The following CUL7 variants were observed in gnomAD, a reference collection of about 807,000 sequenced individuals.
CUL7 encodes the protein cullin 7.
Under a neutral mutation model 177.7 loss-of-function variants are expected in CUL7, and 96 were observed. The ratio of observed to expected loss-of-function variants is 0.54; its 90% CI spans 0.46 to 0.64. The LOEUF (loss-of-function observed/expected upper bound fraction) is 0.64. Among genes scored for constraint, CUL7 ranks in the 30% least tolerant of loss-of-function variants. The probability of loss-of-function intolerance (pLI) is 0.00; values close to 1 mark genes in which losing one functional copy is unlikely to be tolerated. For synonymous variants in CUL7, 824 were observed against 890.2 expected (o/e 0.93, Z 1.32); for missense variants, 1,893 against 2,187.9 (o/e 0.87, Z 2.69).
Position 43,043,323 on chromosome 6 carries a change from G to T in CUL7, c.3355+125C>A. ...CATGGATGGAGGTGACACAAACCTG[G>T]AAGATGAACAGGCTGAGCCCATAGG... On this transcript the variant is annotated intron_variant, in intron 17 of 25. Transcript: ENST00000265348. This position sits in a 1 kb window ranked among gnomAD's most constrained non-coding sequence, Gnocchi z 4.2. The T allele has an allele frequency of 8.2e-7, 1 of 1,220,620 alleles. No homozygotes were observed. The highest frequency in any genetic ancestry group is 1.3e-5 in the South Asian group (1 of 79,570). The allele number at this position is 1,220,620 out of a possible 1,614,324, so 75.6% of individuals were successfully genotyped here. A position where few individuals can be genotyped will look rare whatever the true frequency, so the allele number is the denominator to read the frequency against.
chr6:43,039,083 G>A (rs773406019), intron 22 of CUL7, 96 bp from the exon 23 acceptor site: 14 of 822,202 alleles, frequency 1.7e-5, no homozygotes, highest in Non-Finnish European at 2.7e-5. Context: ...GTTTATCTCT[G>A]CAAGGCGTGT....
Position 43,040,382 on chromosome 6 carries a change from T to C in CUL7, c.4068A>G (p.Glu1356=), listed in dbSNP as rs886043610. The part of the protein sequence containing the change: ...ASGKEHKSEK[E]EEAGAAAVVD... ...CCACTGCTGCTGCCCCAGCTTCCTC[T>C]TCCTTCTCGCTCTTGTGCTCCTTGC... The change falls in exon 22 of 26, where the codon GAA becomes GAG. Residue 1356 remains glutamate (E), a synonymous_variant. Transcript: ENST00000265348. The surrounding 1 kb of genome is among the most constrained non-coding windows in gnomAD (Gnocchi z 4.2). 6.2e-7 allele frequency: 1 copy of C among 1,613,274 alleles called. No homozygotes were observed. The highest frequency in any genetic ancestry group is 1.3e-5 in the African/African-American group (1 of 74,926).
rs1298638653 is a variant in CUL7 at position 43,037,904 on chromosome 6, G to T, written c.4881C>A (p.His1627Gln). 1 of 1,612,998 alleles carries T rather than the reference G, an allele frequency of 6.2e-7. No homozygotes were observed. Among genetic ancestry groups the T allele is most frequent in the South Asian group, 1.1e-5 (1 of 91,046 alleles). ...SSTDVLSCIL[H>Q]LLGKGTLRRH... ...GTCTCAGCGTGCCCTTGCCCAGGAGGTGTAGGATGCAGGAGAGGACGTCAG... is the reference window on the plus strand; with the variant it reads ...GTCTCAGCGTGCCCTTGCCCAGGAGTTGTAGGATGCAGGAGAGGACGTCAG... The change falls in exon 26 of 26, where the codon CAC becomes CAA. Residue 1627 changes from histidine to glutamine, a missense_variant. Physicochemically the swap from His to Gln is conservative, Grantham distance 24 (BLOSUM62 0). Transcript: ENST00000265348.
chr6:43,052,449 C>T lies in CUL7; in HGVS notation c.340G>A (p.Val114Met). 6.8e-6 allele frequency: 11 copies of T among 1,614,092 alleles called. No homozygotes were observed. Among genetic ancestry groups the T allele is most frequent in the East Asian group, 2.2e-5 (1 of 44,884 alleles). ...AGGGCTCTCTGAATGAGGGACTTCA[C>T]GTCGGTTTCCATCTCCTCCAGCACA... ...KSVLEEMETD[V>M]KSLIQRALRQ... is the part of the protein sequence containing the mutation. The change falls in exon 2 of 26, where the codon GTG becomes ATG. Residue 114 changes from valine to methionine, a missense_variant. Physicochemically the swap from Val to Met is conservative, Grantham distance 21. This residue lies in a region of CUL7 where 653 missense variants were observed against 725.2 expected (regional missense o/e 0.90). Transcript: ENST00000265348. The surrounding 1 kb of genome is among the most constrained non-coding windows in gnomAD (Gnocchi z 4.5).
chr6:43,042,854 T>G lies in CUL7; in HGVS notation c.3593A>C (p.Gln1198Pro). 6.2e-7 allele frequency: 1 copy of G among 1,613,996 alleles called. No individual in the cohort carries two copies. The change falls in exon 19 of 26, where the codon CAA becomes CCA. Residue 1198 changes from glutamine to proline, a missense_variant. Coordinates refer to ENST00000265348, the MANE Select transcript of CUL7 (RefSeq NM_014780.5). ...GPRAAFLLAL[Q>P]NGCAGALLKL... ...CAGCAAGGCTCCCGCACAGCCATTT[T>G]GCAGCGCCAGCAAGAAGGCTGCCCG...
chr6:43,047,191 ACT>A (rs1763997118), intron 9 of CUL7, 84 bp from the exon 10 acceptor site: 1 of 799,130 alleles, frequency 1.3e-6, no homozygotes, highest in Non-Finnish European at 2.3e-6. Flanking sequence ...CCCACTGTGT[ACT>A]CTGTGTACTG....
chr6:43,053,139 TG>T lies in CUL7; in HGVS notation c.-8-344del, dbSNP rs1203991000. On this transcript the variant is annotated intron_variant, in intron 1 of 25. Coordinates refer to ENST00000265348, the MANE Select transcript of CUL7 (RefSeq NM_014780.5). The surrounding 1 kb of genome is among the most constrained non-coding windows in gnomAD (Gnocchi z 4.1). ...AGGCCTTGGAACAGGCAGCAACCTA[TG>T]GGGTATGTGAAGCCCAGAGGGGTAT... 1.3e-5 allele frequency among the ~76,000 whole-genome samples: 2 copies of T among 152,068 alleles called. No individual in the cohort carries two copies. The highest frequency in any genetic ancestry group is 2.9e-5 in the Non-Finnish European group (2 of 68,004).
chr6:43,039,900 G>A (rs1002674853), intron 22 of CUL7, among the ~76,000 whole-genome samples: 3 of 151,972 alleles, frequency 2.0e-5, no homozygotes, highest in Admixed American at 6.6e-5. Flanking sequence ...CACCACACCC[G>A]GCTAATTTCT....
chr6:43,038,028 A>C lies in CUL7; in HGVS notation c.4774-17T>G, dbSNP rs993369434. The stretch of plus-strand genomic sequence containing the variant: ...CTCCAGCACCTGGTGTGGGGGAGGA[A>C]GGGAGAAGCGGTAGTTTAGAGGCAG... On this transcript the variant is annotated splice_polypyrimidine_tract_variant and intron_variant, in intron 25 of 25. Coordinates refer to ENST00000265348, the MANE Select transcript of CUL7 (RefSeq NM_014780.5). 55 of 1,584,128 alleles carry C rather than the reference A, an allele frequency of 3.5e-5. No individual in the cohort carries two copies. Among genetic ancestry groups the C allele is most frequent in the Non-Finnish European group, 4.7e-5 (55 of 1,164,276 alleles).
chr6:43,053,478 T>A lies in CUL7; in HGVS notation c.-9+144A>T, dbSNP rs1245833319. 5.9e-6 allele frequency: 3 copies of A among 508,520 alleles called. No homozygotes were observed. In the South Asian group the frequency reaches 1.7e-4, roughly 28 times the overall value. The allele number at this position is 508,520 out of a possible 1,614,324, so 31.5% of individuals were successfully genotyped here. A position where few individuals can be genotyped will look rare whatever the true frequency, so the allele number is the denominator to read the frequency against. On this transcript the variant is annotated intron_variant, in intron 1 of 25. Transcript: ENST00000265348. This position sits in a 1 kb window ranked among gnomAD's most constrained non-coding sequence, Gnocchi z 4.1. ...GACTGGAGAAGCCAGGGGCGCGCGG[T>A]AAGGTGGGGGAGAGGGGATTAGGCC...
chr6:43,037,990 C>A lies in CUL7; in HGVS notation c.4795G>T (p.Gly1599Cys), dbSNP rs768539828. The change falls in exon 26 of 26, where the codon GGC (glycine) becomes TGC (cysteine). Residue 1599 changes from glycine to cysteine, a missense_variant. Gly to Cys is a radical substitution (Grantham distance 159, BLOSUM62 -3). Transcript: ENST00000265348. The stretch of plus-strand genomic sequence containing the variant: ...ACCAAACCCCTGGGAGGACACGGGC[C>A]CTTCTGCCAAGCCTCCAGCACCTGG... ...VCLVLEAWQK[G>C]PCPPRGLVSS... 3.8e-6 allele frequency: 6 copies of A among 1,593,720 alleles called. No individual in the cohort carries two copies. In the East Asian group the frequency reaches 1.1e-4, roughly 30 times the overall value.
In CUL7 at chr6:43,052,919, G is replaced by A; in HGVS notation, c.-8-123C>T. 1 of 1,006,226 alleles carries A rather than the reference G, an allele frequency of 9.9e-7. No individual in the cohort carries two copies. The highest frequency in any genetic ancestry group is 2.0e-5 in the Admixed American group (1 of 50,072). The allele number at this position is 1,006,226 out of a possible 1,614,324, so 62.3% of individuals were successfully genotyped here. A position where few individuals can be genotyped will look rare whatever the true frequency, so the allele number is the denominator to read the frequency against. Reference sequence around the variant, plus strand: ...GTCAGGCGGGGTGGGGTAAAGCCAGGCCCAGGAGTTGCATGCTGCACGCTG... The same window carrying A: ...GTCAGGCGGGGTGGGGTAAAGCCAGACCCAGGAGTTGCATGCTGCACGCTG... On this transcript the variant is annotated intron_variant, in intron 1 of 25. Coordinates refer to ENST00000265348, the MANE Select transcript of CUL7 (RefSeq NM_014780.5). The surrounding 1 kb of genome is among the most constrained non-coding windows in gnomAD (Gnocchi z 4.5).
At position 43,038,405 on chromosome 6, in the gene CUL7, T is replaced by C. The variant is rs559578605; in HGVS notation, c.4635A>G (p.Pro1545=). The change falls in exon 25 of 26, where the codon CCA becomes CCG. Residue 1545 remains proline (P), a synonymous_variant. Coordinates refer to ENST00000265348, the MANE Select transcript of CUL7 (RefSeq NM_014780.5). The stretch of plus-strand genomic sequence containing the variant: ...CCTCAGCTTGCAGGTACGTCTGAGG[T>C]GGGATGAGCCGCACAATGTCCCATC... The part of the protein sequence containing the change: ...RSRWDIVRLI[P]PQTYLQAEGE... The C allele has an allele frequency of 6.2e-7, 1 of 1,614,032 alleles. No individual in the cohort carries two copies. The highest frequency in any genetic ancestry group is 1.1e-5 in the South Asian group (1 of 91,070).
In CUL7 at chr6:43,052,537, C is replaced by T; in HGVS notation, c.252G>A (p.Glu84=). 5.6e-6 allele frequency: 9 copies of T among 1,614,236 alleles called. No homozygotes were observed. Among genetic ancestry groups the T allele is most frequent in the Non-Finnish European group, 7.6e-6 (9 of 1,180,052 alleles). The change falls in exon 2 of 26, where the codon GAG becomes GAA. Residue 84 remains glutamate, a synonymous_variant. Transcript: ENST00000265348. The surrounding 1 kb of genome is among the most constrained non-coding windows in gnomAD (Gnocchi z 4.5). ...IYANCHKMLG[E]DGQVIGPSQE... Reference sequence around the variant, plus strand: ...GGGAGGGCCCGATGACCTGGCCATCCTCGCCCAGCATCTTGTGGCAGTTGG... The same window carrying T: ...GGGAGGGCCCGATGACCTGGCCATCTTCGCCCAGCATCTTGTGGCAGTTGG...
chr6:43,051,462 C>T lies in CUL7; in HGVS notation c.739G>A (p.Gly247Arg). 6.2e-7 allele frequency: 1 copy of T among 1,614,066 alleles called. No individual in the cohort carries two copies. The highest frequency in any genetic ancestry group is 8.5e-7 in the Non-Finnish European group (1 of 1,180,032). ...TTCACCAGGGAGAAGAGCACCCTTC[C>T]TGGGACCTGTGGGATACAACCTTTG... is the stretch of plus-strand genomic sequence containing the variant. ...FEGIQLPQVP[G>R]RVLFSLVKRY... The change falls in exon 4 of 26, where the codon GGA becomes AGA. Residue 247 changes from glycine to arginine, a missense_variant. Around this residue, in one of 5 missense-constraint regions of CUL7, gnomAD observed 653 missense variants for 725.2 expected, o/e 0.90. Transcript: ENST00000265348. The surrounding 1 kb of genome is among the most constrained non-coding windows in gnomAD (Gnocchi z 5.0).
rs776220736 is a variant in CUL7 at position 43,053,810 on chromosome 6, G to T, written c.-197C>A. 2.0e-6 allele frequency: 3 copies of T among 1,532,876 alleles called. No homozygotes were observed. The South Asian group carries it at 3.6e-5, about 18-fold the overall frequency. The allele number at this position is 1,532,876 out of a possible 1,614,324, so 95.0% of individuals were successfully genotyped here. A position where few individuals can be genotyped will look rare whatever the true frequency, so the allele number is the denominator to read the frequency against. ...GAGTCGGCAGCCACTGGGGCAGGGT[G>T]GGGCCCGGTCCCTGCCAGCGGCTCC... On this transcript the variant is annotated 5_prime_UTR_variant, in exon 1 of 26. Coordinates refer to ENST00000265348, the MANE Select transcript of CUL7 (RefSeq NM_014780.5). This position sits in a 1 kb window ranked among gnomAD's most constrained non-coding sequence, Gnocchi z 4.1.
In CUL7 at chr6:43,037,783, TG is replaced by T. The variant is rs1313467416; in HGVS notation, c.5001del (p.Asn1668ThrfsTer41). On this transcript the variant is annotated frameshift_variant, in exon 26 of 26. Coordinates refer to ENST00000265348, the MANE Select transcript of CUL7 (RefSeq NM_014780.5). LOFTEE classifies it high-confidence loss of function. ...AGGGTATGGAAGGTGAGGGGTGGGTTGGGGCCTGAGGAGCCTGGGTTCAGGG... is the reference window on the plus strand; with the variant it reads ...AGGGTATGGAAGGTGAGGGGTGGGTTGGGCCTGAGGAGCCTGGGTTCAGGG... The part of the protein sequence containing the change: ...TESLNPGSSG[P>X]NPPLTFHTLQ... The T allele has an allele frequency of 6.3e-7, 1 of 1,597,770 alleles. No individual in the cohort carries two copies. The highest frequency in any genetic ancestry group is 8.5e-7 in the Non-Finnish European group (1 of 1,172,302).
Position 43,043,039 on chromosome 6 carries a change from T to A in CUL7, c.3462+35A>T. ...ACAACCCAACATGCCACCATTATGG[T>A]GTCCCCTCTCTCCCGCAGGCCTGCT... On this transcript the variant is annotated intron_variant, in intron 18 of 25. Transcript: ENST00000265348. The surrounding 1 kb of genome is among the most constrained non-coding windows in gnomAD (Gnocchi z 4.2). 1.2e-6 allele frequency: 2 copies of A among 1,613,194 alleles called. No individual in the cohort carries two copies. The highest frequency in any genetic ancestry group is 2.2e-5 in the South Asian group (2 of 91,072).
rs1763301933 is a variant in CUL7 at position 43,040,357 on chromosome 6, C to T, written c.4093G>A (p.Val1365Met). 6.2e-7 allele frequency: 1 copy of T among 1,613,796 alleles called. No individual in the cohort carries two copies. Among genetic ancestry groups the T allele is most frequent in the East Asian group, 2.2e-5 (1 of 44,878 alleles). ...KEEEAGAAAV[V>M]DVAEGEEEEE... The stretch of plus-strand genomic sequence containing the variant: ...TCCTCCTCTCCCTCCGCCACATCCA[C>T]CACTGCTGCTGCCCCAGCTTCCTCT... Residue 1365 changes from valine to methionine, a missense_variant, in exon 22 of 26, where the codon GTG becomes ATG. Val to Met is a conservative substitution (Grantham distance 21, BLOSUM62 1). Around this residue, in one of 5 missense-constraint regions of CUL7, gnomAD observed 973 missense variants for 1,140.9 expected, o/e 0.85. Transcript: ENST00000265348. The surrounding 1 kb of genome is among the most constrained non-coding windows in gnomAD (Gnocchi z 4.2).
Sources: gnomAD v4.1 joint callset for allele counts (sites outside exome capture counted in the v4.1 genomes callset) on GRCh38, gnomAD v4.1.1 for gene constraint, gnomAD v4.1.1 regional missense constraint, Gnocchi (gnomAD v3.1) non-coding constraint, MANE v1.5 for transcripts, NCBI Gene and HGNC (gene_info 2026-07-23, HGNC 2026-07-21) for gene names.